CEP70: variants seen among roughly 807,000 people sequenced by gnomAD.
CEP70 encodes centrosomal protein of 70 kDa.
A neutral mutation model predicts 90.9 loss-of-function variants in CEP70; 70 were observed. The observed-to-expected ratio is 0.77, with a 90% confidence interval of 0.64 to 0.94. The LOEUF (loss-of-function observed/expected upper bound fraction) is 0.94, where lower values mean the gene tolerates loss of function less well. Among genes scored for constraint, CEP70 ranks in the 40% least tolerant of loss-of-function variants. The pLI is 0.00. For missense variants in CEP70, 648 were observed against 669.0 expected (o/e 0.97, Z 0.35); for synonymous variants, 220 against 228.3 (o/e 0.96, Z 0.33).
intron 2 of CEP70, among the ~76,000 whole-genome samples, chr3:138,584,292 A>T (rs1189035844): frequency 6.6e-6 from 1 of 152,054 alleles, no homozygotes; most frequent in Admixed American, 6.6e-5. Context: ...TCCTCCAGCA[A>T]AGAAAAGCCT....
At chr3:138,576,732 C>T (rs888705469) in intron 2 of CEP70, among the ~76,000 whole-genome samples, 27 of 152,170 alleles carry the variant, frequency 1.8e-4, no homozygotes, top group Non-Finnish European at 1.0e-4. Context: ...TGTAAAACAA[C>T]AGAAATCACA....
At chr3:138,514,862 C>G (rs578135044) in intron 11 of CEP70, among the ~76,000 whole-genome samples, 26 of 152,134 alleles carry the variant, frequency 1.7e-4, no homozygotes, top group African/African-American at 6.0e-4. Flanking sequence ...ACCTGTATAA[C>G]TTGGGCAAGT....
intron 8 of CEP70, among the ~76,000 whole-genome samples, chr3:138,532,075 AGTGT>A (rs1296536452): frequency 6.6e-6 from 1 of 152,130 alleles, no homozygotes; most frequent in Non-Finnish European, 1.5e-5. Flanking sequence ...TCAGGTGATA[AGTGT>A]GTTTTAATCT....
At chr3:138,531,504 T>G (rs549459402) in intron 8 of CEP70, 12 of 152,286 alleles carry the variant, frequency 7.9e-5, no homozygotes, top group African/African-American at 2.9e-4. Context: ...TGTGGCTGAT[T>G]TTGTGCTACA....
chr3:138,527,793 A>G (rs997038226), intron 10 of CEP70, among the ~76,000 whole-genome samples: 3 of 151,814 alleles, frequency 2.0e-5, no homozygotes, highest in South Asian at 4.2e-4. Context: ...GCCTCAAACA[A>G]TCCTCCTACC....
chr3:138,582,274 C>A (rs2041901314), intron 2 of CEP70, among the ~76,000 whole-genome samples: 1 of 151,944 alleles, frequency 6.6e-6, no homozygotes, highest in Non-Finnish European at 1.5e-5. Context: ...GAGTTCAAGA[C>A]CAGCCTGGCC....
chr3:138,515,467 C>CAAAAAAAAAAAAAAAAAAAAAAA (rs145902706), intron 11 of CEP70, among the ~76,000 whole-genome samples: 1 of 65,380 alleles, frequency 1.5e-5, no homozygotes, highest in African/African-American at 6.1e-5. Flanking sequence ...CATAGAAATG[C>CAAAAAAAAAAAAAAAAAAAAAAA]AAAAAAAAAA....
rs2034902732 is a variant in CEP70, at chr3:138,505,476, A to G, written c.1051-11T>C. ...GATGCTACACAGCACCTTTAAAAAA[A>G]CATAGTGTATATAGTCAAAATATTT... On this transcript the variant is annotated splice_polypyrimidine_tract_variant and intron_variant, in intron 12 of 17. Transcript: ENST00000264982. The G allele has an allele frequency of 6.4e-6, 10 of 1,555,598 alleles. No homozygotes were observed. In the East Asian group the frequency reaches 2.1e-4, roughly 32 times the overall value.
chr3:138,572,025 G>A (rs913691300), intron 3 of CEP70, among the ~76,000 whole-genome samples: 3 of 151,870 alleles, frequency 2.0e-5, no homozygotes, highest in African/African-American at 4.8e-5. Context: ...TGATCCACCC[G>A]CCCTGGCCTC....
rs577770313 is a variant in CEP70, at chr3:138,507,038, C to T, written c.1050+1401G>A. Among the ~76,000 whole-genome samples the T allele has an allele frequency of 8.5e-5, 13 of 152,236 alleles. No homozygotes were observed. In the East Asian group the frequency reaches 2.3e-3, roughly 27 times the overall value. ...GATTACAGGCATGAGCCACCATACC[C>T]GGCTTGAATTCCCCTTTTAAAGGAC... On this transcript the variant is annotated intron_variant, in intron 12 of 17. Coordinates refer to ENST00000264982, the MANE Select transcript of CEP70 (RefSeq NM_024491.4).
chr3:138,510,559 C>CA (rs1308498252), intron 11 of CEP70, among the ~76,000 whole-genome samples: 1 of 152,072 alleles, frequency 6.6e-6, no homozygotes, highest in Non-Finnish European at 1.5e-5. Flanking sequence ...AGGAAAATGA[C>CA]ATGATGGAGT....
chr3:138,523,968 C>T (rs1191996639), intron 11 of CEP70, among the ~76,000 whole-genome samples: 3 of 148,564 alleles, frequency 2.0e-5, no homozygotes, highest in African/African-American at 7.7e-5. Flanking sequence ...TACCTGACTT[C>T]AAACTATACT....
chr3:138,563,308 A>G (rs2108069784), intron 6 of CEP70, among the ~76,000 whole-genome samples: 1 of 152,288 alleles, frequency 6.6e-6, no homozygotes, highest in Admixed American at 6.5e-5. Flanking sequence ...GATAATTAAC[A>G]AGGATATTTA....
At chr3:138,563,551 A>C (rs934558441) in intron 6 of CEP70, among the ~76,000 whole-genome samples, 7 of 152,216 alleles carry the variant, frequency 4.6e-5, no homozygotes, top group Non-Finnish European at 8.8e-5. Context: ...ACTCACTCAA[A>C]ACCACTCAAC....
intron 6 of CEP70, among the ~76,000 whole-genome samples, chr3:138,558,815 A>G (rs944204604): frequency 9.8e-5 from 15 of 152,318 alleles, no homozygotes; most frequent in Admixed American, 6.5e-4. Flanking sequence ...AACCAGGCAC[A>G]CCAGGAGTAA....
At chr3:138,568,337 TA>T (rs2040928098) in intron 6 of CEP70, among the ~76,000 whole-genome samples, 2 of 152,214 alleles carry the variant, frequency 1.3e-5, no homozygotes, top group Non-Finnish European at 2.9e-5. Flanking sequence ...TTGAAGTGCT[TA>T]AAACCCTGGT....
At chr3:138,559,470 C>T (rs1052296266) in intron 6 of CEP70, among the ~76,000 whole-genome samples, 5 of 152,204 alleles carry the variant, frequency 3.3e-5, no homozygotes, top group Non-Finnish European at 5.9e-5. Context: ...TGGTGGCTCA[C>T]GCCTGTAATC....
chr3:138,534,503 T>C (rs763172173), intron 7 of CEP70, among the ~76,000 whole-genome samples: 13 of 152,196 alleles, frequency 8.5e-5, no homozygotes, highest in Non-Finnish European at 1.9e-4. Context: ...ACCAATTATC[T>C]TCAATAAAGT....
At chr3:138,540,783 A>G (rs534994666) in intron 6 of CEP70, among the ~76,000 whole-genome samples, 4 of 152,336 alleles carry the variant, frequency 2.6e-5, no homozygotes, top group Admixed American at 2.0e-4. Flanking sequence ...TACCATAAAG[A>G]AACATGCATG....
Sources: gnomAD v4.1 joint callset for allele counts (sites outside exome capture counted in the v4.1 genomes callset) on GRCh38, gnomAD v4.1.1 for gene constraint, MANE v1.5 for transcripts, NCBI Gene and HGNC (gene_info 2026-07-23, HGNC 2026-07-21) for gene names.